SRGAP3: variants seen among roughly 807,000 people sequenced by gnomAD.
SRGAP3 encodes SLIT-ROBO Rho GTPase-activating protein 3.
Under a neutral mutation model 121.1 loss-of-function variants are expected in SRGAP3, and 39 were observed. The observed-to-expected ratio is 0.32, with a 90% CI of 0.25 to 0.42. The LOEUF is 0.42. Among genes scored for constraint, SRGAP3 ranks in the 10% least tolerant of loss-of-function variants. The pLI, the probability that SRGAP3 is intolerant of heterozygous loss-of-function variation, is 1.00. For synonymous variants in SRGAP3, 601 were observed against 570.0 expected (o/e 1.05, Z -0.77); for missense variants, 1,213 against 1,470.6 (o/e 0.82, Z 2.86).
intron 5 of SRGAP3, among the ~76,000 whole-genome samples, chr3:9,061,450 T>G (rs550668586): frequency 6.6e-6 from 1 of 152,292 alleles, no homozygotes; most frequent in South Asian, 2.1e-4. Flanking sequence ...CCCTCAGCCT[T>G]GGCCCAAGGT....
chr3:9,105,479 A>G (rs976919968), intron 2 of SRGAP3, among the ~76,000 whole-genome samples: 2 of 152,084 alleles, frequency 1.3e-5, no homozygotes, highest in African/African-American at 4.8e-5. Context: ...GGTTATTAGC[A>G]CTCTCTAGCT....
At chr3:9,279,509 A>ATTTT (rs34338068) in intron 3 of SRGAP3, among the ~76,000 whole-genome samples, 4 of 117,982 alleles carry the variant, frequency 3.4e-5, no homozygotes, top group African/African-American at 9.7e-5. Flanking sequence ...GAATACCCTG[A>ATTTT]TTTTTTTTTT....
At chr3:9,037,981 G>A (rs998181097) in intron 11 of SRGAP3, 82 bp downstream of exon 11, 2 of 1,585,040 alleles carry the variant, frequency 1.3e-6, no homozygotes, top group Non-Finnish European at 8.7e-7. Flanking sequence ...TGCTTCTCCA[G>A]CTCCTGGCAG....
At chr3:9,231,836 C>T (rs1175159011) in intron 1 of SRGAP3, among the ~76,000 whole-genome samples, 1 of 152,140 alleles carries the variant, frequency 6.6e-6, no homozygotes, top group Non-Finnish European at 1.5e-5. Flanking sequence ...CAGCAACCAC[C>T]CTTTAAGGTT....
At chr3:9,209,209 A>T (rs3856907) in intron 1 of SRGAP3, among the ~76,000 whole-genome samples, 22,469 of 152,208 alleles carry the variant, frequency 0.15, 2,119 homozygotes, top group Admixed American at 0.31. Flanking sequence ...AACACATATG[A>T]TTACTTAAAA....
In SRGAP3 at chr3:9,060,078, A is replaced by C. The variant is rs532420753; in HGVS notation, c.801+153T>G. The C allele has an allele frequency of 4.1e-5, 51 of 1,241,934 alleles. No individual in the cohort carries two copies. In the South Asian group the frequency reaches 6.0e-4, roughly 15 times the overall value. The allele number at this position is 1,241,934 out of a possible 1,614,324, so 76.9% of individuals were successfully genotyped here. On this transcript the variant is annotated intron_variant, in intron 6 of 21. Transcript: ENST00000383836. ...GGTAACATTCATTTTCCACCTCCCC[A>C]AATCACTGCCCTTCCCCTCCAGCAG...
chr3:9,268,296 GTCTC>G (rs71626912), intron 3 of SRGAP3, among the ~76,000 whole-genome samples: 12,004 of 147,476 alleles, frequency 0.081, 580 homozygotes, highest in South Asian at 0.2. Flanking sequence ...AGAGAGAAGA[GTCTC>G]TCTCTCTCTC....
intron 1 of SRGAP3, among the ~76,000 whole-genome samples, chr3:9,174,235 A>T (rs1178464746): frequency 6.6e-6 from 1 of 152,248 alleles, no homozygotes; most frequent in Admixed American, 6.5e-5. Flanking sequence ...TCAGTTTTTC[A>T]GGTTGAAAAG....
At chr3:9,361,572 G>A (rs1400800838) in intron 1 of SRGAP3, among the ~76,000 whole-genome samples, 2 of 152,124 alleles carry the variant, frequency 1.3e-5, no homozygotes, top group Non-Finnish European at 2.9e-5. Context: ...CTTGGCCAAG[G>A]AGACCCTAGA....
chr3:9,296,537 T>C (rs1178165143), intron 3 of SRGAP3, among the ~76,000 whole-genome samples: 1 of 152,192 alleles, frequency 6.6e-6, no homozygotes, highest in Non-Finnish European at 1.5e-5. Context: ...TTTGTAGAAA[T>C]GGTACATATT....
At chr3:9,172,750 G>A (rs1951029498) in intron 1 of SRGAP3, among the ~76,000 whole-genome samples, 1 of 152,184 alleles carries the variant, frequency 6.6e-6, no homozygotes, top group South Asian at 2.1e-4. Flanking sequence ...GGATCAAAAC[G>A]ACAAAGTGCA....
intron 3 of SRGAP3, among the ~76,000 whole-genome samples, chr3:9,091,728 C>T (rs1383395918): frequency 6.6e-6 from 1 of 152,158 alleles, no homozygotes; most frequent in Admixed American, 6.5e-5. Flanking sequence ...GGGCTATCGG[C>T]TCTCCATCCC....
At chr3:9,236,597 C>T (rs1953419359) in intron 1 of SRGAP3, among the ~76,000 whole-genome samples, 3 of 152,002 alleles carry the variant, frequency 2.0e-5, no homozygotes, top group Admixed American at 2.0e-4. Flanking sequence ...CCTCTTCTTC[C>T]TACTCCTGCC....
chr3:9,203,797 A>G (rs75464117), intron 1 of SRGAP3, among the ~76,000 whole-genome samples: 1,581 of 152,370 alleles, frequency 0.01, 27 homozygotes, highest in African/African-American at 0.036. Flanking sequence ...AGCAAAGGTA[A>G]TACTGTGTTC....
At chr3:9,288,082 C>A (rs1231026905) in intron 3 of SRGAP3, among the ~76,000 whole-genome samples, 1 of 150,532 alleles carries the variant, frequency 6.6e-6, no homozygotes, top group Non-Finnish European at 1.5e-5. Flanking sequence ...ACTAATTATA[C>A]ATTTCAATAT....
chr3:9,058,182 T>C (rs1238330259), intron 7 of SRGAP3, 69 bp downstream of exon 7: 5 of 1,511,428 alleles, frequency 3.3e-6, no homozygotes, highest in Admixed American at 3.3e-5. Context: ...CAACCAGGGA[T>C]GATGTACTGG....
intron 4 of SRGAP3, among the ~76,000 whole-genome samples, chr3:9,076,714 C>T (rs1054860483): frequency 1.3e-5 from 2 of 152,006 alleles, no homozygotes; most frequent in Non-Finnish European, 2.9e-5. Flanking sequence ...CCCTCCCTCC[C>T]TCCTCCTCTC....
chr3:9,301,300 G>C (rs905387934), intron 3 of SRGAP3, among the ~76,000 whole-genome samples: 1 of 152,198 alleles, frequency 6.6e-6, no homozygotes, highest in African/African-American at 2.4e-5. Flanking sequence ...CATTACATCC[G>C]GGATGGCCCA....
chr3:9,188,697 T>C (rs1951669830), intron 1 of SRGAP3, among the ~76,000 whole-genome samples: 1 of 152,238 alleles, frequency 6.6e-6, no homozygotes, highest in Admixed American at 6.5e-5. Flanking sequence ...TCTTTTTCCC[T>C]TTGATGTGTG....
Sources: allele counts gnomAD v4.1 joint callset (sites outside exome capture counted in the v4.1 genomes callset), GRCh38; gene constraint gnomAD v4.1.1; transcripts MANE v1.5; gene names NCBI Gene and HGNC (gene_info 2026-07-23, HGNC 2026-07-21).